Variants in MEIS1 observed in about 807,000 individuals in gnomAD.
MEIS1 encodes the protein Meis homeobox 1, also known as homeobox protein Meis1.
MEIS1 carries 5 observed loss-of-function variants against 50.8 expected under a neutral mutation model. The observed-to-expected ratio is 0.10, with a 90% CI of 0.05 to 0.21. The LOEUF (loss-of-function observed/expected upper bound fraction) is 0.21. Among genes scored for constraint, MEIS1 ranks in the 10% least tolerant of loss-of-function variants. MEIS1 has a pLI of 1.00. For synonymous variants in MEIS1, 176 were observed against 179.3 expected, an observed-to-expected ratio of 0.98 and a Z score of 0.15; for missense variants, 318 against 517.3, an observed-to-expected ratio of 0.61 and a Z score of 3.74.
At chr2:66,539,979 G>A (rs1226204557) in intron 8 of MEIS1, among the ~76,000 whole-genome samples, 1 of 152,124 alleles carries the variant, frequency 6.6e-6, no homozygotes, top group East Asian at 1.9e-4. Context: ...TTAAAAAAGG[G>A]AATGGAGAAA....
At chr2:66,457,129 G>T (rs2103727607) in intron 6 of MEIS1, among the ~76,000 whole-genome samples, 1 of 149,620 alleles carries the variant, frequency 6.7e-6, no homozygotes, top group South Asian at 2.1e-4. Context: ...ACTTGTTGTG[G>T]TTAAATGAAT....
At chr2:66,498,286 C>CA (rs1389017067) in intron 7 of MEIS1, among the ~76,000 whole-genome samples, 3 of 152,156 alleles carry the variant, frequency 2.0e-5, no homozygotes, top group African/African-American at 7.2e-5. Context: ...ATCTGCCCCA[C>CA]AACTCTAAGG....
rs1284074601 is a variant in MEIS1, at chr2:66,495,296, C to A, written c.743-16853C>A. On this transcript the variant is annotated intron_variant, in intron 7 of 12. Coordinates refer to ENST00000272369, the MANE Select transcript of MEIS1 (RefSeq NM_002398.3). Reference sequence around the variant, plus strand: ...GGTTATGTATTTTTTTTACCCTGATCATACTTACGTCTTTTGACAAGAGAG... The same window carrying A: ...GGTTATGTATTTTTTTTACCCTGATAATACTTACGTCTTTTGACAAGAGAG... Among the ~76,000 whole-genome samples the A allele has an allele frequency of 5.3e-5, 8 of 152,034 alleles. No individual in the cohort carries two copies. The East Asian group carries it at 1.5e-3, about 29-fold the overall frequency.
At chr2:66,551,451 G>T (rs929244696) in intron 9 of MEIS1, among the ~76,000 whole-genome samples, 1 of 152,032 alleles carries the variant, frequency 6.6e-6, no homozygotes, top group African/African-American at 2.4e-5. Flanking sequence ...TGGTCCAATT[G>T]TCAGAATAAA....
chr2:66,488,080 A>T (rs554590299), intron 7 of MEIS1, among the ~76,000 whole-genome samples: 4 of 152,346 alleles, frequency 2.6e-5, no homozygotes, highest in Admixed American at 2.6e-4. Context: ...TTCCAAATGC[A>T]TATCAGCTTT....
intron 7 of MEIS1, among the ~76,000 whole-genome samples, chr2:66,499,299 T>C (rs190895281): frequency 2.2e-3 from 330 of 152,324 alleles, no homozygotes; most frequent in Non-Finnish European, 2.7e-3. Context: ...CTTGCTAATC[T>C]ACATTTCACA....
rs770459823 is a variant in MEIS1 at position 66,571,384 on chromosome 2, T to C, written c.*176T>C. ...CATGGGCCCCCCATGCATACGTACA[T>C]TCCTGGACACCCTCACCACCCAACA... On this transcript the variant is annotated 3_prime_UTR_variant, in exon 13 of 13. Transcript: ENST00000272369. 6.2e-6 allele frequency: 10 copies of C among 1,603,786 alleles called. No homozygotes were observed.
At chr2:66,536,852 C>A (rs1373230196) in intron 8 of MEIS1, among the ~76,000 whole-genome samples, 1 of 152,192 alleles carries the variant, frequency 6.6e-6, no homozygotes, top group Non-Finnish European at 1.5e-5. Flanking sequence ...CAGTACATCT[C>A]AGCAGTGTAT....
chr2:66,533,837 G>T (rs1470365865), intron 8 of MEIS1, among the ~76,000 whole-genome samples: 1 of 152,132 alleles, frequency 6.6e-6, no homozygotes, highest in Non-Finnish European at 1.5e-5. Flanking sequence ...TGCCTTCAGA[G>T]ATCTTGGAAG....
chr2:66,560,211 C>T (rs1481632492), intron 9 of MEIS1, among the ~76,000 whole-genome samples: 1 of 150,092 alleles, frequency 6.7e-6, no homozygotes, highest in African/African-American at 2.5e-5. Context: ...TATTTTAATG[C>T]CTAAGGCCAA....
intron 8 of MEIS1, among the ~76,000 whole-genome samples, chr2:66,526,881 T>G (rs1463847746): frequency 1.3e-5 from 2 of 152,214 alleles, no homozygotes; most frequent in Non-Finnish European, 2.9e-5. Context: ...CTTCTCTCAT[T>G]GAGCCCTGTG....
intron 8 of MEIS1, among the ~76,000 whole-genome samples, chr2:66,521,758 C>T (rs139237808): frequency 5.9e-5 from 9 of 152,306 alleles, no homozygotes; most frequent in African/African-American, 1.9e-4. Context: ...AGAGAGACAG[C>T]TGCTGCTAAT....
chr2:66,568,860 T>C, intron 11 of MEIS1, 104 bp downstream of exon 11: 1 of 1,199,540 alleles, frequency 8.3e-7, no homozygotes, highest in South Asian at 1.2e-5. Flanking sequence ...TATCTCAAGC[T>C]GGCTGCCTTG....
chr2:66,504,292 G>A (rs1673634055), intron 7 of MEIS1, among the ~76,000 whole-genome samples: 1 of 151,872 alleles, frequency 6.6e-6, no homozygotes, highest in South Asian at 2.1e-4. Context: ...AGAGTGCAGT[G>A]ACGCGACCTC....
At chr2:66,453,074 A>G (rs1480167963) in intron 6 of MEIS1, among the ~76,000 whole-genome samples, 2 of 151,856 alleles carry the variant, frequency 1.3e-5, no homozygotes, top group African/African-American at 4.8e-5. Context: ...TTACCCTGCC[A>G]TTTCAATTAG....
At chr2:66,463,401 T>C (rs1378857456) in intron 6 of MEIS1, among the ~76,000 whole-genome samples, 1 of 152,110 alleles carries the variant, frequency 6.6e-6, no homozygotes, top group Non-Finnish European at 1.5e-5. Context: ...TCGCCATGAT[T>C]GTTTTCCTCA....
At chr2:66,552,155 A>G (rs982283979) in intron 9 of MEIS1, among the ~76,000 whole-genome samples, 2 of 152,126 alleles carry the variant, frequency 1.3e-5, no homozygotes, top group Non-Finnish European at 2.9e-5. Context: ...TCCCTTATAC[A>G]TGATCACACC....
chr2:66,520,186 G>T (rs1298915264), intron 8 of MEIS1, among the ~76,000 whole-genome samples: 1 of 151,940 alleles, frequency 6.6e-6, no homozygotes, highest in Non-Finnish European at 1.5e-5. Context: ...TTAAAGAAAA[G>T]CCAGTTGGCC....
Position 66,473,397 on chromosome 2 carries a change from A to AAAAATATATATAT in MEIS1, c.742+9178_742+9179insAAATATATATATA. ...CCATGTCAAAAAAAAAAAAAAAAAA[A>AAAAATATATATAT]ATATATATATATATATATATAGTAA... On this transcript the variant is annotated intron_variant, in intron 7 of 12. Transcript: ENST00000272369. 3.3e-4 allele frequency among the ~76,000 whole-genome samples: 35 copies of AAAAATATATATAT among 107,578 alleles called. 1 individual carries two copies. Among genetic ancestry groups the AAAAATATATATAT allele is most frequent in the African/African-American group, 1.9e-3 (33 of 17,152 alleles). 70.6% of individuals were successfully genotyped at this position (107,578 alleles called of 152,430 possible).
Sources: allele counts gnomAD v4.1 joint callset (sites outside exome capture counted in the v4.1 genomes callset), GRCh38; gene constraint gnomAD v4.1.1; transcripts MANE v1.5; gene names NCBI Gene and HGNC (gene_info 2026-07-23, HGNC 2026-07-21).